The following STXBP6 variants were observed in gnomAD, a reference collection of about 807,000 sequenced individuals.
STXBP6 encodes the protein syntaxin binding protein 6, also known as syntaxin-binding protein 6.
In STXBP6, 21 loss-of-function variants were observed where a neutral mutation model predicts 26.9. The ratio of observed to expected loss-of-function variants is 0.78; its 90% CI spans 0.55 to 1.12. The LOEUF (loss-of-function observed/expected upper bound fraction) is 1.12. STXBP6 is among the 50% of genes most tolerant of loss of function. The pLI is 0.00. For missense variants in STXBP6, 232 were observed against 257.9 expected (o/e 0.90, Z 0.69); for synonymous variants, 97 against 92.6 (o/e 1.05, Z -0.27).
At chr14:24,941,861 C>T (rs912306) in intron 2 of STXBP6, among the ~76,000 whole-genome samples, 10,889 of 152,310 alleles carry the variant, frequency 0.071, 601 homozygotes, top group East Asian at 0.26. Context: ...CAAGTGAATG[C>T]TTCCTTTAGT....
At chr14:24,979,067 C>T (rs58349806) in intron 1 of STXBP6, among the ~76,000 whole-genome samples, 7,571 of 152,220 alleles carry the variant, frequency 0.05, 677 homozygotes, top group African/African-American at 0.17. Flanking sequence ...GTATAGTCTA[C>T]AGCCCTTAAA....
intron 2 of STXBP6, among the ~76,000 whole-genome samples, chr14:24,937,815 A>C (rs2072657276): frequency 6.6e-6 from 1 of 152,228 alleles, no homozygotes; most frequent in East Asian, 1.9e-4. Flanking sequence ...GCAGGGATGC[A>C]GCCATTTGGC....
intron 2 of STXBP6, among the ~76,000 whole-genome samples, chr14:24,883,631 C>T (rs573763847): frequency 8.9e-4 from 135 of 151,434 alleles, no homozygotes; most frequent in African/African-American, 3.2e-3. Context: ...CTTTCAAAGG[C>T]GGCTATTAGA....
intron 2 of STXBP6, among the ~76,000 whole-genome samples, chr14:24,870,243 C>T (rs854342): frequency 0.71 from 107,910 of 151,976 alleles, 38,703 homozygotes; most frequent in East Asian, 0.85. Flanking sequence ...AGGTTTAAAG[C>T]TGTACTTAAC....
At chr14:24,911,150 C>T (rs1252257994) in intron 2 of STXBP6, among the ~76,000 whole-genome samples, 1 of 151,960 alleles carries the variant, frequency 6.6e-6, no homozygotes, top group Non-Finnish European at 1.5e-5. Flanking sequence ...CATAGTGAGA[C>T]TTTGTCTCTA....
chr14:24,856,557 T>A (rs781094954), intron 3 of STXBP6, among the ~76,000 whole-genome samples: 1 of 152,102 alleles, frequency 6.6e-6, no homozygotes, highest in Non-Finnish European at 1.5e-5. Flanking sequence ...GCAACGGGAA[T>A]GTACTTTGCA....
chr14:24,880,777 C>T (rs1238832148), intron 2 of STXBP6, among the ~76,000 whole-genome samples: 2 of 152,010 alleles, frequency 1.3e-5, no homozygotes, highest in Non-Finnish European at 2.9e-5. Context: ...TATGATGGAT[C>T]GATTATGTAC....
At chr14:25,016,282 A>G (rs1225328260) in intron 1 of STXBP6, among the ~76,000 whole-genome samples, 1 of 152,072 alleles carries the variant, frequency 6.6e-6, no homozygotes, top group African/African-American at 2.4e-5. Flanking sequence ...ATCTATTTTA[A>G]AGATTGACTC....
intron 2 of STXBP6, among the ~76,000 whole-genome samples, chr14:24,869,818 T>C (rs1268203668): frequency 2.0e-5 from 3 of 152,180 alleles, no homozygotes; most frequent in African/African-American, 7.2e-5. Flanking sequence ...AGTCACCAGA[T>C]TGAGCATTAC....
chr14:24,883,583 C>T lies in STXBP6; in HGVS notation c.155-26426G>A, dbSNP rs571412035. 9.2e-5 allele frequency among the ~76,000 whole-genome samples: 14 copies of T among 152,214 alleles called. No homozygotes were observed. The South Asian group carries it at 2.1e-3, about 23-fold the overall frequency. On this transcript the variant is annotated intron_variant, in intron 2 of 5. Coordinates refer to ENST00000323944, the MANE Select transcript of STXBP6 (RefSeq NM_001394410.1). ...TATTAAATCTCCAACTATCTAGATA[C>T]GGAAACCCCTTATTTCCTAAAGCAC...
chr14:24,939,763 A>C (rs2072736101), intron 2 of STXBP6, among the ~76,000 whole-genome samples: 1 of 152,262 alleles, frequency 6.6e-6, no homozygotes, highest in African/African-American at 2.4e-5. Flanking sequence ...CCCAACACGT[A>C]ATAAATATAA....
chr14:24,812,721 C>T lies in STXBP6; in HGVS notation c.621G>A (p.Lys207=), dbSNP rs1190632398. 1.9e-6 allele frequency: 3 copies of T among 1,613,760 alleles called. No individual in the cohort carries two copies. Among genetic ancestry groups the T allele is most frequent in the South Asian group, 2.2e-5 (2 of 91,066 alleles). Residue 207 remains lysine (K), a synonymous_variant, in exon 6 of 6, where the codon AAG becomes AAA. Coordinates refer to ENST00000323944, the MANE Select transcript of STXBP6 (RefSeq NM_001394410.1). The part of the protein sequence containing the change: ...FAETAHKLAM[K]HKC ...GATAGGCAGTTTCTCAACATTTGTGCTTCATGGCAAGCTAAGGAGAGAGAG... is the reference window on the plus strand; with the variant it reads ...GATAGGCAGTTTCTCAACATTTGTGTTTCATGGCAAGCTAAGGAGAGAGAG...
intron 1 of STXBP6, among the ~76,000 whole-genome samples, chr14:25,003,595 T>C: frequency 6.6e-6 from 1 of 152,216 alleles, no homozygotes; most frequent in South Asian, 2.1e-4. Flanking sequence ...ATACAGTACA[T>C]GTAACATAAG....
At chr14:24,990,371 A>G (rs1424759585) in intron 1 of STXBP6, among the ~76,000 whole-genome samples, 1 of 152,166 alleles carries the variant, frequency 6.6e-6, no homozygotes, top group African/African-American at 2.4e-5. Flanking sequence ...TTGAAAAGAT[A>G]AGCTGCGCCG....
intron 4 of STXBP6, among the ~76,000 whole-genome samples, chr14:24,850,637 C>T (rs1014298202): frequency 5.9e-5 from 9 of 152,120 alleles, no homozygotes; most frequent in African/African-American, 1.9e-4. Context: ...CAGCCATCCC[C>T]TTACTGTCAT....
intron 2 of STXBP6, among the ~76,000 whole-genome samples, chr14:24,889,134 T>G (rs116247615): frequency 0.019 from 2,940 of 151,490 alleles, 92 homozygotes; most frequent in African/African-American, 0.067. Flanking sequence ...CCCAATGACA[T>G]GCTCAGGGTT....
intron 2 of STXBP6, among the ~76,000 whole-genome samples, chr14:24,944,234 G>A (rs745939712): frequency 1.6e-4 from 24 of 152,162 alleles, no homozygotes; most frequent in African/African-American, 5.8e-4. Flanking sequence ...GCCACCGCAC[G>A]GAAGGTATCA....
chr14:24,939,201 C>T (rs529943843), intron 2 of STXBP6, among the ~76,000 whole-genome samples: 4 of 152,128 alleles, frequency 2.6e-5, no homozygotes, highest in Admixed American at 2.6e-4. Flanking sequence ...CCTAGTGCTC[C>T]GGTGACTGTG....
intron 2 of STXBP6, among the ~76,000 whole-genome samples, chr14:24,877,744 T>C (rs1431383117): frequency 6.6e-6 from 1 of 152,212 alleles, no homozygotes; most frequent in East Asian, 1.9e-4. Flanking sequence ...ATAAATAATT[T>C]TGCAAGTATG....
Sources: gnomAD v4.1 joint callset for allele counts (sites outside exome capture counted in the v4.1 genomes callset) on GRCh38, gnomAD v4.1.1 for gene constraint, MANE v1.5 for transcripts, NCBI Gene and HGNC (gene_info 2026-07-23, HGNC 2026-07-21) for gene names.